Variants in SMCHD1 observed in about 807,000 individuals in gnomAD.
SMCHD1 encodes the protein structural maintenance of chromosomes flexible hinge domain containing 1.
A neutral mutation model predicts 254.7 loss-of-function variants in SMCHD1; 78 were observed. That is an observed-to-expected ratio of 0.31 (90% CI 0.26 to 0.37). SMCHD1 has a LOEUF of 0.37. Ranked by LOEUF, SMCHD1 falls within the 10% of genes least tolerant of loss-of-function variation. The probability of loss-of-function intolerance (pLI) is 1.00; values close to 1 mark genes in which losing one functional copy is unlikely to be tolerated. For missense variants in SMCHD1, 1,840 were observed against 2,408.1 expected (o/e 0.76, Z 4.94); for synonymous variants, 766 against 794.9 (o/e 0.96, Z 0.61).
At chr18:2,717,045 T>A (rs1404030689) in intron 17 of SMCHD1, among the ~76,000 whole-genome samples, 2 of 152,196 alleles carry the variant, frequency 1.3e-5, no homozygotes, top group Admixed American at 6.5e-5. Context: ...CAAATCTTAG[T>A]CTGGAGACTC....
rs187140662 is a variant in SMCHD1, at chr18:2,679,003, A to G, written c.638+4858A>G. On this transcript the variant is annotated intron_variant, in intron 5 of 47. Transcript: ENST00000320876. ...GCTGGGATTACAGGCATGCACCACA[A>G]TGCCCGGCTAATTTTTGTATTTTTA... 4.2e-3 allele frequency among the ~76,000 whole-genome samples: 630 copies of G among 151,314 alleles called. 4 individuals are homozygous for G. The highest frequency in any genetic ancestry group is 0.015 in the African/African-American group (608 of 41,406).
At chr18:2,794,947 AATG>A (rs1161541204) in intron 45 of SMCHD1, among the ~76,000 whole-genome samples, 1 of 152,184 alleles carries the variant, frequency 6.6e-6, no homozygotes, top group Non-Finnish European at 1.5e-5. Flanking sequence ...TAATTTGAAT[AATG>A]TAATACATTT....
At position 2,765,641 on chromosome 18, in the gene SMCHD1, T is replaced by G. The variant is rs914551024; in HGVS notation, c.4719+1852T>G. Among the ~76,000 whole-genome samples, 3 of 152,236 alleles carry G rather than the reference T, an allele frequency of 2.0e-5. No homozygotes were observed. The East Asian group carries it at 5.8e-4, about 29-fold the overall frequency. On this transcript the variant is annotated intron_variant, in intron 37 of 47. Coordinates refer to ENST00000320876, the MANE Select transcript of SMCHD1 (RefSeq NM_015295.3). Reference sequence around the variant, plus strand: ...AAGATCTGTCAACACTGGGTGAGGATTCTCTTAGCCAGCTGTATGTGCACC... The same window carrying G: ...AAGATCTGTCAACACTGGGTGAGGAGTCTCTTAGCCAGCTGTATGTGCACC...
intron 5 of SMCHD1, among the ~76,000 whole-genome samples, chr18:2,676,318 G>GA (rs1318710747): frequency 1.3e-5 from 2 of 152,016 alleles, no homozygotes; most frequent in Non-Finnish European, 2.9e-5. Context: ...TGGATTGCTA[G>GA]AAAAAAAATG....
intron 45 of SMCHD1, among the ~76,000 whole-genome samples, chr18:2,787,526 A>C (rs1397063774): frequency 2.0e-5 from 3 of 152,206 alleles, no homozygotes; most frequent in Non-Finnish European, 4.4e-5. Context: ...CAATGAGTGA[A>C]TATCTAAAGA....
chr18:2,770,876 C>CA (rs1386412264), intron 39 of SMCHD1, among the ~76,000 whole-genome samples: 2 of 152,148 alleles, frequency 1.3e-5, no homozygotes, highest in Non-Finnish European at 2.9e-5. Context: ...CCACCTTGGC[C>CA]CCCACAAAGT....
In SMCHD1 at chr18:2,700,882, T is replaced by C. The variant is rs762634574; in HGVS notation, c.1611T>C (p.Asp537=). The change falls in exon 12 of 48, where the codon GAT becomes GAC. Residue 537 remains aspartate (D), a synonymous_variant. Transcript: ENST00000320876. ...TGGATCTTGAGCTAAAATTGAAAGA[T>C]AAGAACACCCTTTTTACAAGGATTT... ...TFMDLELKLK[D]KNTLFTRILN... is the part of the protein sequence containing the mutation. 3 of 1,609,056 alleles carry C rather than the reference T, an allele frequency of 1.9e-6. No individual in the cohort carries two copies. The South Asian group carries it at 3.3e-5, about 18-fold the overall frequency.
At chr18:2,706,320 T>C in intron 14 of SMCHD1, 44 bp from the exon 15 acceptor site, 1 of 1,338,112 alleles carries the variant, frequency 7.5e-7, no homozygotes, top group Middle Eastern at 1.8e-4. Flanking sequence ...TACAGCTAGA[T>C]TTAAATAGTT....
chr18:2,757,652 T>A (rs2075706443), intron 34 of SMCHD1, among the ~76,000 whole-genome samples: 1 of 152,166 alleles, frequency 6.6e-6, no homozygotes, highest in Non-Finnish European at 1.5e-5. Flanking sequence ...GTTTTTGTGC[T>A]GGGAATATAG....
chr18:2,731,332 A>C (rs1193070996), intron 24 of SMCHD1, among the ~76,000 whole-genome samples: 2 of 152,224 alleles, frequency 1.3e-5, no homozygotes, highest in African/African-American at 4.8e-5. Context: ...ATTATGAAAT[A>C]ATGTAATATT....
intron 3 of SMCHD1, among the ~76,000 whole-genome samples, chr18:2,671,762 A>AT (rs376180194): frequency 0.035 from 5,344 of 151,408 alleles, 151 homozygotes; most frequent in Non-Finnish European, 0.052. Context: ...CGCCTGGCGA[A>AT]TTTTTTTGTA....
At position 2,760,803 on chromosome 18, in the gene SMCHD1, T is replaced by G. The variant is rs2075771378; in HGVS notation, c.4434+64T>G. 4.5e-6 allele frequency: 4 copies of G among 881,538 alleles called. No homozygotes were observed. In the South Asian group the frequency reaches 6.2e-5, roughly 14 times the overall value. 54.6% of individuals were successfully genotyped at this position (881,538 alleles called of 1,614,324 possible). ...ATTTTCTTTTTTTTTCCCTCTTGGT[T>G]CTGCATTACATGAAATAGCTTCACA... On this transcript the variant is annotated intron_variant, in intron 35 of 47. Coordinates refer to ENST00000320876, the MANE Select transcript of SMCHD1 (RefSeq NM_015295.3).
intron 5 of SMCHD1, among the ~76,000 whole-genome samples, chr18:2,686,021 C>T (rs2074043153): frequency 1.3e-5 from 2 of 152,026 alleles, no homozygotes; most frequent in Non-Finnish European, 2.9e-5. Flanking sequence ...TAAATCTGTC[C>T]AGTATTGTTT....
At chr18:2,760,994 CAA>C (rs1425808316) in intron 35 of SMCHD1, among the ~76,000 whole-genome samples, 3 of 152,008 alleles carry the variant, frequency 2.0e-5, no homozygotes, top group African/African-American at 7.3e-5. Context: ...CTCTTTATAT[CAA>C]AGACTCAGCA....
At chr18:2,719,242 T>G (rs1257207488) in intron 19 of SMCHD1, among the ~76,000 whole-genome samples, 1 of 151,398 alleles carries the variant, frequency 6.6e-6, no homozygotes, top group Non-Finnish European at 1.5e-5. Context: ...TTTCTTTTCT[T>G]TTCCTCTCTC....
In SMCHD1 at chr18:2,771,581, TA is replaced by T. The variant is rs886044129; in HGVS notation, c.5020del (p.Ile1674TyrfsTer19). The T allele has an allele frequency of 6.4e-7, 1 of 1,567,382 alleles. No individual in the cohort carries two copies. Among genetic ancestry groups the T allele is most frequent in the Admixed American group, 2.2e-5 (1 of 46,020 alleles). ...AAAGAGGCCCAATTGCGAAATGAAC[TA>T]AAAATACATAATATTGACATTCCTA... ...RLKEAQLRNE[L>X]KIHNIDIPTT... On this transcript the variant is annotated frameshift_variant, in exon 40 of 48. Coordinates refer to ENST00000320876, the MANE Select transcript of SMCHD1 (RefSeq NM_015295.3). LOFTEE classifies it high-confidence loss of function.
chr18:2,746,842 G>A (rs1461139654), intron 29 of SMCHD1, among the ~76,000 whole-genome samples: 2 of 152,054 alleles, frequency 1.3e-5, no homozygotes, highest in Admixed American at 6.6e-5. Flanking sequence ...TTAACACTGT[G>A]TTTCCTTTGA....
At chr18:2,698,087 T>C in intron 10 of SMCHD1, 46 bp downstream of exon 10, 1 of 1,432,926 alleles carries the variant, frequency 7.0e-7, no homozygotes, top group Non-Finnish European at 9.7e-7. Context: ...AGTTGTAATT[T>C]AGGACAGTGA....
intron 1 of SMCHD1, among the ~76,000 whole-genome samples, chr18:2,660,217 G>C (rs1386161257): frequency 1.3e-5 from 2 of 152,046 alleles, no homozygotes; most frequent in African/African-American, 4.8e-5. Context: ...CCAGCTACTC[G>C]AGAGGCTGAG....
Sources: gnomAD v4.1 joint callset for allele counts (sites outside exome capture counted in the v4.1 genomes callset) on GRCh38, gnomAD v4.1.1 for gene constraint, MANE v1.5 for transcripts, NCBI Gene and HGNC (gene_info 2026-07-23, HGNC 2026-07-21) for gene names.